FUT7: variants seen among roughly 807,000 people sequenced by gnomAD.
FUT7 encodes alpha-(1,3)-fucosyltransferase 7.
Under a neutral mutation model 5.0 loss-of-function variants are expected in FUT7, and 2 were observed. The observed-to-expected ratio is 0.40, with a 90% CI of 0.16 to 1.26. FUT7 has a LOEUF of 1.26. Ranked by LOEUF, FUT7 falls within the 50% of genes most tolerant of loss-of-function variation. The pLI is 0.32. For missense variants in FUT7, 461 were observed against 489.8 expected, an observed-to-expected ratio of 0.94 and a Z score of 0.55; for synonymous variants, 218 against 210.6, an observed-to-expected ratio of 1.03 and a Z score of -0.30.
Position 137,030,860 on chromosome 9 carries a change from GCT to G in FUT7, c.877_878del (p.Ser293ProfsTer10), listed in dbSNP as rs760139632. 1 of 1,612,790 alleles carries G rather than the reference GCT, an allele frequency of 6.2e-7. No homozygotes were observed. The highest frequency in any genetic ancestry group is 2.2e-5 in the East Asian group (1 of 44,890). On this transcript the variant is annotated frameshift_variant, in exon 2 of 2. Transcript: ENST00000314412. LOFTEE classifies it low-confidence loss of function (END_TRUNC). ...GCCAGGCAAAGAAGCGTTGGTATCG[GCT>G]CTCATTCATGCCAGTGAGGAAAGCC... ...LAAFLTGMNESRYQRFFAWRD... is the reference protein window; with the variant it reads ...LAAFLTGMNEXRYQRFFAWRD...
At position 137,030,378 on chromosome 9, in the gene FUT7, A is replaced by C; in HGVS notation, c.*332T>G. 1 of 352,770 alleles carries C rather than the reference A, an allele frequency of 2.8e-6. No homozygotes were observed. Among genetic ancestry groups the C allele is most frequent in the Non-Finnish European group, 5.4e-6 (1 of 184,990 alleles). 21.9% of individuals were successfully genotyped at this position (352,770 alleles called of 1,614,324 possible). On this transcript the variant is annotated 3_prime_UTR_variant, in exon 2 of 2. Coordinates refer to ENST00000314412, the MANE Select transcript of FUT7 (RefSeq NM_004479.4). ...TCGGGGTCCCAGGTTTGGCCCCCAC[A>C]AACTTCAGGCTGGGGTGCCCCCCAG...
chr9:137,031,723 G>A lies in FUT7; in HGVS notation c.16C>T (p.His6Tyr). 1 of 1,544,254 alleles carries A rather than the reference G, an allele frequency of 6.5e-7. No homozygotes were observed. Among genetic ancestry groups the A allele is most frequent in the East Asian group, 2.4e-5 (1 of 40,998 alleles). Residue 6 changes from histidine to tyrosine, a missense_variant and splice_region_variant, in exon 2 of 2, where the codon CAC becomes TAC. By Grantham distance (83) the His-to-Tyr change is moderately conservative (BLOSUM62 2). Coordinates refer to ENST00000314412, the MANE Select transcript of FUT7 (RefSeq NM_004479.4). MNNAGHGPTRRLRGLG... is the reference protein window; with the variant it reads MNNAGYGPTRRLRGLG... ...CCTCGCAGCCTCCGGGTGGGGCCGT[G>A]CCCTGCAGCAGCACGAGGGAGGGGA...
In FUT7 at chr9:137,030,415, C is replaced by T. The variant is rs181754635; in HGVS notation, c.*295G>A. The T allele has an allele frequency of 6.5e-6, 3 of 462,784 alleles. No individual in the cohort carries two copies. In the East Asian group the frequency reaches 1.2e-4, roughly 19 times the overall value. 28.7% of individuals were successfully genotyped at this position (462,784 alleles called of 1,614,324 possible). ...GGGGTGCCCCCCAGCCCCAAGGGCC[C>T]TGCCTTTCACCCTCTTCCAGCCAGG... On this transcript the variant is annotated 3_prime_UTR_variant, in exon 2 of 2. Coordinates refer to ENST00000314412, the MANE Select transcript of FUT7 (RefSeq NM_004479.4).
chr9:137,031,562 C>G lies in FUT7; in HGVS notation c.177G>C (p.Gln59His). The change falls in exon 2 of 2, where the codon CAG (glutamine) becomes CAC (histidine). Residue 59 changes from glutamine to histidine, a missense_variant. Coordinates refer to ENST00000314412, the MANE Select transcript of FUT7 (RefSeq NM_004479.4). ...ILVWHWPFTD[Q>H]PPELPSDTCT... Reference sequence around the variant, plus strand: ...AGGTGTCGCTGGGCAGCTCTGGGGGCTGGTCAGTGAAGGGCCAGTGCCAGA... The same window carrying G: ...AGGTGTCGCTGGGCAGCTCTGGGGGGTGGTCAGTGAAGGGCCAGTGCCAGA... 6.4e-7 allele frequency: 1 copy of G among 1,567,450 alleles called. No individual in the cohort carries two copies. The highest frequency in any genetic ancestry group is 8.6e-7 in the Non-Finnish European group (1 of 1,157,646).
chr9:137,031,244 C>T lies in FUT7; in HGVS notation c.495G>A (p.Pro165=), dbSNP rs752678856. 1.1e-5 allele frequency: 18 copies of T among 1,608,348 alleles called. No individual in the cohort carries two copies. Among genetic ancestry groups the T allele is most frequent in the East Asian group, 8.9e-5 (4 of 44,856 alleles). The change falls in exon 2 of 2, where the codon CCG becomes CCA. Residue 165 remains proline (P), a synonymous_variant. Coordinates refer to ENST00000314412, the MANE Select transcript of FUT7 (RefSeq NM_004479.4). ...CGGCCACCCTGCTCTTGGCTGGCAG[C>T]GGTGGCGAGGGCCCCCAGTGGGGCT... ...RLEPHWGPSP[P]LPAKSRVAAW...
At position 137,031,617 on chromosome 9, in the gene FUT7, G is replaced by A. The variant is rs773909121; in HGVS notation, c.122C>T (p.Pro41Leu). 47 of 1,560,476 alleles carry A rather than the reference G, an allele frequency of 3.0e-5. No homozygotes were observed. Among genetic ancestry groups the A allele is most frequent in the Non-Finnish European group, 3.8e-5 (44 of 1,153,870 alleles). The part of the protein sequence containing the change: ...WLLGSAPRGT[P>L]APQPTITILV... ...GATGGTGATCGTGGGCTGGGGTGCC[G>A]GGGTACCCCGAGGGGCTGACCCCAG... Residue 41 changes from proline (P) to leucine (L), a missense_variant, in exon 2 of 2, where the codon CCG (proline) becomes CTG (leucine). Pro to Leu is a moderately conservative substitution (Grantham distance 98). Coordinates refer to ENST00000314412, the MANE Select transcript of FUT7 (RefSeq NM_004479.4).
rs767868777 is a variant in FUT7, at chr9:137,030,194, T to A, written c.*516A>T. Reference sequence around the variant, plus strand: ...CGAGGCACTGCTCAGATGTTTATTGTCCACCGCCCTCCCTCCCTGAGCCCA... The same window carrying A: ...CGAGGCACTGCTCAGATGTTTATTGACCACCGCCCTCCCTCCCTGAGCCCA... On this transcript the variant is annotated 3_prime_UTR_variant, in exon 2 of 2. Transcript: ENST00000314412. 5.1e-6 allele frequency: 1 copy of A among 196,842 alleles called. No homozygotes were observed. The highest frequency in any genetic ancestry group is 1.1e-5 in the Non-Finnish European group (1 of 93,452). 12.2% of individuals were successfully genotyped at this position (196,842 alleles called of 1,614,324 possible). A position where few individuals can be genotyped will look rare whatever the true frequency, so the allele number is the denominator to read the frequency against.
Position 137,030,787 on chromosome 9 carries a change from A to T in FUT7, c.952T>A (p.Cys318Ser). 6.2e-7 allele frequency: 1 copy of T among 1,612,640 alleles called. No individual in the cohort carries two copies. The highest frequency in any genetic ancestry group is 8.5e-7 in the Non-Finnish European group (1 of 1,179,906). The change falls in exon 2 of 2, where the codon TGT becomes AGT. Residue 318 changes from cysteine (C) to serine (S), a missense_variant. Coordinates refer to ENST00000314412, the MANE Select transcript of FUT7 (RefSeq NM_004479.4). ...TGTGGGTAGCGGTCACAGATGGCACAGAAACGTTCCCGCCAGTCGGTGAAC... is the reference window on the plus strand; with the variant it reads ...TGTGGGTAGCGGTCACAGATGGCACTGAAACGTTCCCGCCAGTCGGTGAAC... ...RLFTDWRERF[C>S]AICDRYPHLP...
rs759728142 is a variant in FUT7 at position 137,030,771 on chromosome 9, C to G, written c.968G>C (p.Arg323Pro). 1 of 1,612,614 alleles carries G rather than the reference C, an allele frequency of 6.2e-7. No individual in the cohort carries two copies. Among genetic ancestry groups the G allele is most frequent in the East Asian group, 2.2e-5 (1 of 44,866 alleles). The change falls in exon 2 of 2, where the codon CGC becomes CCC. Residue 323 changes from arginine (R) to proline (P), a missense_variant. Arg to Pro is a moderately radical substitution (Grantham distance 103). Transcript: ENST00000314412. ...TTGGCTGCGGGGTAGGTGTGGGTAG[C>G]GGTCACAGATGGCACAGAAACGTTC... ...WRERFCAICD[R>P]YPHLPRSQVY...
intron 1 of FUT7, 85 bp from the exon 2 acceptor site, chr9:137,031,810 C>T (rs1831862753): frequency 2.6e-6 from 4 of 1,509,628 alleles, no homozygotes; most frequent in African/African-American, 1.4e-5. Flanking sequence ...CCCGTCCTCC[C>T]CTCCCATGGG....
rs764308354 is a variant in FUT7 at position 137,031,452 on chromosome 9, C to T, written c.287G>A (p.Arg96His). 2.1e-5 allele frequency: 33 copies of T among 1,554,510 alleles called. No individual in the cohort carries two copies. The highest frequency in any genetic ancestry group is 4.7e-5 in the South Asian group (4 of 84,898). Reference sequence around the variant, plus strand: ...GTGGGACCGCCGGGTCTGCAGCTCGCGGTGGTGGAAGACCACGGCGTCGGC... The same window carrying T: ...GTGGGACCGCCGGGTCTGCAGCTCGTGGTGGTGGAAGACCACGGCGTCGGC... ...ASADAVVFHH[R>H]ELQTRRSHLP... is the part of the protein sequence containing the mutation. Residue 96 changes from arginine (R) to histidine (H), a missense_variant, in exon 2 of 2, where the codon CGC becomes CAC. Transcript: ENST00000314412.
At position 137,030,449 on chromosome 9, in the gene FUT7, C is replaced by T; in HGVS notation, c.*261G>A. On this transcript the variant is annotated 3_prime_UTR_variant, in exon 2 of 2. Coordinates refer to ENST00000314412, the MANE Select transcript of FUT7 (RefSeq NM_004479.4). ...ACCCTCTTCCAGCCAGGCCTTCACC[C>T]ACCCAAGATTTGTTCAGGGTGGGGA... 1.8e-6 allele frequency: 1 copy of T among 544,220 alleles called. No individual in the cohort carries two copies. Among genetic ancestry groups the T allele is most frequent in the Non-Finnish European group, 3.3e-6 (1 of 299,984 alleles). 33.7% of individuals were successfully genotyped at this position (544,220 alleles called of 1,614,324 possible).
Position 137,031,517 on chromosome 9 carries a change from G to A in FUT7, c.222C>T (p.Ala74=). ...PSDTCTRYGI[A]RCHLSANRSL... ...TTCGGTTGGCACTCAGGTGGCAGCG[G>A]GCGATGCCGTAGCGGGTGCAGGTGT... The change falls in exon 2 of 2, where the codon GCC becomes GCT. Residue 74 remains alanine, a synonymous_variant. Coordinates refer to ENST00000314412, the MANE Select transcript of FUT7 (RefSeq NM_004479.4). The A allele has an allele frequency of 6.4e-7, 1 of 1,556,580 alleles. No homozygotes were observed. The highest frequency in any genetic ancestry group is 8.7e-7 in the Non-Finnish European group (1 of 1,151,172).
Position 137,030,229 on chromosome 9 carries a change from G to T in FUT7, c.*481C>A. 4.7e-6 allele frequency: 1 copy of T among 212,898 alleles called. No homozygotes were observed. Among genetic ancestry groups the T allele is most frequent in the South Asian group, 7.2e-5 (1 of 13,882 alleles). The allele number at this position is 212,898 out of a possible 1,614,324, so 13.2% of individuals were successfully genotyped here. ...TCCCTCCCTGAGCCCAGAACAAGCT[G>T]GTTTGCTCCCCGTGGTCTCCTGGGC... is the stretch of plus-strand genomic sequence containing the variant. On this transcript the variant is annotated 3_prime_UTR_variant, in exon 2 of 2. Transcript: ENST00000314412.
Position 137,030,448 on chromosome 9 carries a change from C to G in FUT7, c.*262G>C. On this transcript the variant is annotated 3_prime_UTR_variant, in exon 2 of 2. Coordinates refer to ENST00000314412, the MANE Select transcript of FUT7 (RefSeq NM_004479.4). ...CACCCTCTTCCAGCCAGGCCTTCACCCACCCAAGATTTGTTCAGGGTGGGG... is the reference window on the plus strand; with the variant it reads ...CACCCTCTTCCAGCCAGGCCTTCACGCACCCAAGATTTGTTCAGGGTGGGG... The G allele has an allele frequency of 1.8e-6, 1 of 542,186 alleles. No homozygotes were observed. The highest frequency in any genetic ancestry group is 2.0e-5 in the South Asian group (1 of 49,412). The allele number at this position is 542,186 out of a possible 1,614,324, so 33.6% of individuals were successfully genotyped here.
chr9:137,031,172 C>T lies in FUT7; in HGVS notation c.567G>A (p.Leu189=), dbSNP rs760389285. ...GCAGATGAGGCGCCAGCTGCCGGTACAGCCTGGCACGCAGCTGCCGCTCCT... is the reference window on the plus strand; with the variant it reads ...GCAGATGAGGCGCCAGCTGCCGGTATAGCCTGGCACGCAGCTGCCGCTCCT... ...NFQERQLRAR[L]YRQLAPHLRV... Residue 189 remains leucine, a synonymous_variant, in exon 2 of 2, where the codon CTG becomes CTA. Coordinates refer to ENST00000314412, the MANE Select transcript of FUT7 (RefSeq NM_004479.4). The T allele has an allele frequency of 5.6e-6, 9 of 1,610,550 alleles. 1 individual carries two copies. The South Asian group carries it at 7.7e-5, about 14-fold the overall frequency.
At position 137,031,767 on chromosome 9, in the gene FUT7, C is replaced by T. The variant is rs539280049; in HGVS notation, c.14-42G>A. The T allele has an allele frequency of 6.5e-6, 10 of 1,536,950 alleles. No homozygotes were observed. In the Admixed American group the frequency reaches 2.0e-4, roughly 30 times the overall value. On this transcript the variant is annotated intron_variant, in intron 1 of 1. Coordinates refer to ENST00000314412, the MANE Select transcript of FUT7 (RefSeq NM_004479.4). ...GAGGGGAGGCTCTGTCACTTGGGCT[C>T]AGGGACATCCACACGCCCCACTCAG...
At position 137,031,729 on chromosome 9, in the gene FUT7, C is replaced by A; in HGVS notation, c.14-4G>T. 6.5e-7 allele frequency: 1 copy of A among 1,543,248 alleles called. No homozygotes were observed. The highest frequency in any genetic ancestry group is 2.4e-5 in the East Asian group (1 of 40,986). On this transcript the variant is annotated splice_region_variant and splice_polypyrimidine_tract_variant and intron_variant, in intron 1 of 1. Coordinates refer to ENST00000314412, the MANE Select transcript of FUT7 (RefSeq NM_004479.4). ...AGCCTCCGGGTGGGGCCGTGCCCTG[C>A]AGCAGCACGAGGGAGGGGAGGCTCT...
rs376539871 is a variant in FUT7, at chr9:137,031,440, G to C, written c.299C>G (p.Thr100Ser). The stretch of plus-strand genomic sequence containing the variant: ...GGCCAGGGGCAGGTGGGACCGCCGG[G>C]TCTGCAGCTCGCGGTGGTGGAAGAC... ...AVVFHHRELQ[T>S]RRSHLPLAQR... Residue 100 changes from threonine to serine, a missense_variant, in exon 2 of 2, where the codon ACC becomes AGC. Thr to Ser is a moderately conservative substitution (Grantham distance 58, BLOSUM62 1). Coordinates refer to ENST00000314412, the MANE Select transcript of FUT7 (RefSeq NM_004479.4). 1 of 1,555,752 alleles carries C rather than the reference G, an allele frequency of 6.4e-7. No individual in the cohort carries two copies. The highest frequency in any genetic ancestry group is 8.7e-7 in the Non-Finnish European group (1 of 1,150,182).
Sources: gnomAD v4.1 joint callset for allele counts on GRCh38, gnomAD v4.1.1 for gene constraint, MANE v1.5 for transcripts, NCBI Gene and HGNC (gene_info 2026-07-23, HGNC 2026-07-21) for gene names.